NSUN6: variants seen among roughly 807,000 people sequenced by gnomAD.
The protein encoded by NSUN6 is tRNA (cytosine(72)-C(5))-methyltransferase NSUN6.
Under a neutral mutation model 58.0 loss-of-function variants are expected in NSUN6, and 64 were observed. The observed-to-expected ratio is 1.10, with a 90% CI of 0.90 to 1.36. The LOEUF is 1.36. Ranked by LOEUF, NSUN6 falls within the 40% of genes most tolerant of loss-of-function variation. The pLI is 0.00. For synonymous variants in NSUN6, 231 were observed against 193.9 expected (o/e 1.19, Z -1.59); for missense variants, 701 against 550.1 (o/e 1.27, Z -2.74).
At chr10:18,620,333 C>G (rs12250601) in intron 3 of NSUN6, among the ~76,000 whole-genome samples, 2 of 152,002 alleles carry the variant, frequency 1.3e-5, no homozygotes, top group African/African-American at 2.4e-5. Context: ...GTGATCCGCC[C>G]GCCTCGGCCT....
intron 8 of NSUN6, among the ~76,000 whole-genome samples, chr10:18,566,836 CTCCAT>C (rs1180599908): frequency 6.6e-6 from 1 of 150,670 alleles, no homozygotes; most frequent in Non-Finnish European, 1.5e-5. Context: ...CCATTCCATT[CTCCAT>C]TCCATTCCAC....
intron 5 of NSUN6, among the ~76,000 whole-genome samples, chr10:18,613,947 C>T (rs146221058): frequency 1.3e-5 from 2 of 152,226 alleles, no homozygotes; most frequent in Non-Finnish European, 2.9e-5. Flanking sequence ...GGGCCACTAG[C>T]AACCAGGAAT....
chr10:18,584,523 C>T (rs1335156657), intron 8 of NSUN6, among the ~76,000 whole-genome samples: 1 of 152,094 alleles, frequency 6.6e-6, no homozygotes, highest in African/African-American at 2.4e-5. Flanking sequence ...TGACCACAAA[C>T]TTCAGAGAAA....
intron 6 of NSUN6, among the ~76,000 whole-genome samples, chr10:18,600,074 CT>C (rs2057745103): frequency 1.3e-5 from 2 of 152,002 alleles, no homozygotes; most frequent in Non-Finnish European, 1.5e-5. Flanking sequence ...AAAATTATCC[CT>C]TATCACTAGC....
intron 8 of NSUN6, among the ~76,000 whole-genome samples, chr10:18,562,932 G>A (rs2055644895): frequency 6.6e-6 from 1 of 151,606 alleles, no homozygotes; most frequent in African/African-American, 2.4e-5. Context: ...AGGAAGAATG[G>A]AATGGAATGG....
At position 18,610,199 on chromosome 10, in the gene NSUN6, T is replaced by C. The variant is rs190761352; in HGVS notation, c.576-273A>G. Among the ~76,000 whole-genome samples the C allele has an allele frequency of 4.0e-3, 609 of 152,048 alleles. 3 individuals carry two copies. The highest frequency in any genetic ancestry group is 7.1e-3 in the Admixed American group (108 of 15,268). Reference sequence around the variant, plus strand: ...AGCCAAGCGTGGTGACAGGCTGTAGTGGTGACAGGTGACAGGTGAGGAGCT... The same window carrying C: ...AGCCAAGCGTGGTGACAGGCTGTAGCGGTGACAGGTGACAGGTGAGGAGCT... On this transcript the variant is annotated intron_variant, in intron 5 of 10. Coordinates refer to ENST00000377304, the MANE Select transcript of NSUN6 (RefSeq NM_182543.5).
rs532883742 is a variant in NSUN6, at chr10:18,646,932, A to C, written c.231+1558T>G. Among the ~76,000 whole-genome samples the C allele has an allele frequency of 2.6e-5, 4 of 152,352 alleles. No individual in the cohort carries two copies. The South Asian group carries it at 8.3e-4, about 32-fold the overall frequency. ...CTGAAAACATACACATGGTTATGGA[A>C]AAGTAATGATTTTAGTTGCTTAGGG... is the stretch of plus-strand genomic sequence containing the variant. On this transcript the variant is annotated intron_variant, in intron 2 of 10. Transcript: ENST00000377304.
At chr10:18,609,231 A>C (rs750493241) in intron 6 of NSUN6, among the ~76,000 whole-genome samples, 1 of 152,156 alleles carries the variant, frequency 6.6e-6, no homozygotes, top group Non-Finnish European at 1.5e-5. Context: ...AGATCGCTTG[A>C]GCCCAGGAGT....
chr10:18,566,192 C>T (rs182624703), intron 8 of NSUN6, among the ~76,000 whole-genome samples: 3 of 149,790 alleles, frequency 2.0e-5, no homozygotes, highest in Admixed American at 6.7e-5. Context: ...TTCCATTCTC[C>T]ATTCTTCATT....
At chr10:18,627,977 A>G (rs2058883082) in intron 3 of NSUN6, among the ~76,000 whole-genome samples, 1 of 152,242 alleles carries the variant, frequency 6.6e-6, no homozygotes, top group Non-Finnish European at 1.5e-5. Flanking sequence ...ACAAATAGAC[A>G]GCAGTAACCT....
upstream of NSUN6, among the ~76,000 whole-genome samples, chr10:18,654,118 T>TC (rs2059751659): frequency 6.6e-6 from 1 of 152,124 alleles, no homozygotes; most frequent in African/African-American, 2.4e-5. Context: ...ATCACTGCCC[T>TC]CGAGTCTCAC....
intron 3 of NSUN6, among the ~76,000 whole-genome samples, chr10:18,638,962 A>C (rs1042157387): frequency 3.1e-4 from 47 of 150,628 alleles, no homozygotes; most frequent in Non-Finnish European, 6.2e-4. Flanking sequence ...AAAAAAAAAA[A>C]AAAAAAAACT....
In NSUN6 at chr10:18,642,295, C is replaced by G. The variant is rs567354219; in HGVS notation, c.311+181G>C. Among the ~76,000 whole-genome samples, 5 of 152,154 alleles carry G rather than the reference C, an allele frequency of 3.3e-5. No individual in the cohort carries two copies. In the East Asian group the frequency reaches 9.7e-4, roughly 29 times the overall value. On this transcript the variant is annotated intron_variant, in intron 3 of 10. Coordinates refer to ENST00000377304, the MANE Select transcript of NSUN6 (RefSeq NM_182543.5). ...GATCCTTGGGCCCATTCCTAGCCTT[C>G]TTTTGTATTATTTTCCATGACAGAG...
At chr10:18,615,107 A>G (rs1169375487) in intron 4 of NSUN6, among the ~76,000 whole-genome samples, 1 of 62,422 alleles carries the variant, frequency 1.6e-5, no homozygotes, top group Non-Finnish European at 3.1e-5. Flanking sequence ...ATAGTCATTC[A>G]TATATATATA....
intron 8 of NSUN6, among the ~76,000 whole-genome samples, chr10:18,567,970 C>A (rs2056089153): frequency 6.6e-6 from 1 of 151,004 alleles, no homozygotes; most frequent in African/African-American, 2.4e-5. Context: ...TTCTCCATTC[C>A]ATTCCCCATT....
upstream of NSUN6, chr10:18,655,288 C>G (rs868000629): frequency 3.1e-4 from 69 of 220,326 alleles, 1 homozygote; most frequent in African/African-American, 1.6e-3. Flanking sequence ...TGGTGTCAAG[C>G]TACTAGGGTG....
At chr10:18,647,108 T>C (rs968342253) in intron 2 of NSUN6, among the ~76,000 whole-genome samples, 1 of 152,210 alleles carries the variant, frequency 6.6e-6, no homozygotes, top group African/African-American at 2.4e-5. Context: ...TCTAATAACA[T>C]GGTTGTCTAT....
chr10:18,554,428 C>T (rs1003300610), intron 8 of NSUN6, among the ~76,000 whole-genome samples: 6 of 134,750 alleles, frequency 4.5e-5, no homozygotes, highest in East Asian at 2.3e-4. Context: ...TGGAATGGAA[C>T]GGACAACGGA....
intron 7 of NSUN6, among the ~76,000 whole-genome samples, chr10:18,588,543 G>A (rs907001984): frequency 7.9e-5 from 12 of 152,240 alleles, no homozygotes; most frequent in East Asian, 1.9e-4. Flanking sequence ...AGCTAGCATC[G>A]GGCCAGTGCC....
Sources: allele counts gnomAD v4.1 joint callset (sites outside exome capture counted in the v4.1 genomes callset), GRCh38; gene constraint gnomAD v4.1.1; transcripts MANE v1.5; gene names NCBI Gene and HGNC (gene_info 2026-07-23, HGNC 2026-07-21).